Variants in ZNRF1 observed in about 807,000 individuals in gnomAD.
The protein encoded by ZNRF1 is E3 ubiquitin-protein ligase ZNRF1.
In ZNRF1, 3 loss-of-function variants were observed where a neutral mutation model predicts 18.4. The observed-to-expected ratio is 0.16, with a 90% CI of 0.07 to 0.42. The LOEUF (loss-of-function observed/expected upper bound fraction) is 0.42, where lower values mean the gene tolerates loss of function less well. Among genes scored for constraint, ZNRF1 ranks in the 10% least tolerant of loss-of-function variants. The probability of loss-of-function intolerance (pLI) is 0.99; values close to 1 mark genes in which losing one functional copy is unlikely to be tolerated. For synonymous variants in ZNRF1, 157 were observed against 144.2 expected (o/e 1.09, Z -0.64); for missense variants, 310 against 329.8 (o/e 0.94, Z 0.47).
chr16:75,019,309 A>C (rs893646858), intron 1 of ZNRF1, among the ~76,000 whole-genome samples: 14 of 151,592 alleles, frequency 9.2e-5, no homozygotes, highest in African/African-American at 3.2e-4. Context: ...CAAAGTGCTG[A>C]GAGTACAGGT....
chr16:75,026,859 C>A (rs2035231320), intron 1 of ZNRF1, among the ~76,000 whole-genome samples: 1 of 151,740 alleles, frequency 6.6e-6, no homozygotes, highest in Non-Finnish European at 1.5e-5. Context: ...TCACTTGAAC[C>A]CAGAGGCGGC....
chr16:75,046,952 G>A (rs1427174871), intron 1 of ZNRF1: 3 of 153,058 alleles, frequency 2.0e-5, no homozygotes, highest in African/African-American at 7.2e-5. Flanking sequence ...AAAATGAAAT[G>A]TTTATATTAT....
At chr16:75,021,191 C>T (rs2035142894) in intron 1 of ZNRF1, among the ~76,000 whole-genome samples, 1 of 152,134 alleles carries the variant, frequency 6.6e-6, no homozygotes, top group Non-Finnish European at 1.5e-5. Flanking sequence ...CAAGTGTGTG[C>T]CACCATGCCG....
chr16:75,076,762 T>C (rs932621390), intron 1 of ZNRF1, among the ~76,000 whole-genome samples: 3 of 151,422 alleles, frequency 2.0e-5, no homozygotes, highest in Admixed American at 1.3e-4. Context: ...GGAGGACTTT[T>C]GGGAGATAAG....
Position 75,010,641 on chromosome 16 carries a change from A to G in ZNRF1, c.424+10546A>G, listed in dbSNP as rs529870799. 4.6e-5 allele frequency among the ~76,000 whole-genome samples: 7 copies of G among 151,458 alleles called. No homozygotes were observed. The South Asian group carries it at 1.5e-3, about 32-fold the overall frequency. ...TGGTAGTAGCTTGAGCCCTCTGAAA[A>G]GTAATTAATCCATACTTCATAAAGA... is the stretch of plus-strand genomic sequence containing the variant. On this transcript the variant is annotated intron_variant, in intron 1 of 4. Transcript: ENST00000335325.
At chr16:75,029,228 G>T (rs1388697006) in intron 1 of ZNRF1, among the ~76,000 whole-genome samples, 1 of 152,012 alleles carries the variant, frequency 6.6e-6, no homozygotes, top group Admixed American at 6.6e-5. Flanking sequence ...CTCACTGCAA[G>T]CTCCACCTTC....
At chr16:75,092,247 C>T (rs558304060) in intron 1 of ZNRF1, among the ~76,000 whole-genome samples, 2 of 152,236 alleles carry the variant, frequency 1.3e-5, no homozygotes, top group East Asian at 3.9e-4. Context: ...ATCGTGTTCA[C>T]ATTGAGTAGG....
intron 2 of ZNRF1, among the ~76,000 whole-genome samples, chr16:75,103,095 G>A (rs114566794): frequency 6.6e-5 from 10 of 152,270 alleles, no homozygotes; most frequent in African/African-American, 2.4e-4. Flanking sequence ...AAGTCCTCAT[G>A]CTGTGCCTTT....
At chr16:75,019,316 A>C (rs1465224330) in intron 1 of ZNRF1, among the ~76,000 whole-genome samples, 1 of 152,068 alleles carries the variant, frequency 6.6e-6, no homozygotes, top group African/African-American at 2.4e-5. Flanking sequence ...CTGAGAGTAC[A>C]GGTATGAGTC....
chr16:75,066,913 A>T (rs149779850), intron 1 of ZNRF1, among the ~76,000 whole-genome samples: 125 of 152,182 alleles, frequency 8.2e-4, no homozygotes, highest in African/African-American at 2.5e-3. Flanking sequence ...ATAGCTTAAA[A>T]CAGTAATAAT....
intron 4 of ZNRF1, chr16:75,107,243 A>C: frequency 5.6e-6 from 1 of 178,472 alleles, no homozygotes; most frequent in Non-Finnish European, 1.2e-5. Context: ...TCCACCCCTG[A>C]CCCCCATCTC....
intron 1 of ZNRF1, among the ~76,000 whole-genome samples, chr16:75,046,430 T>A (rs1567477130): frequency 6.6e-6 from 1 of 150,760 alleles, no homozygotes; most frequent in Non-Finnish European, 1.5e-5. Flanking sequence ...TTTTGTATTT[T>A]TAGTGGAGAC....
At chr16:75,087,186 G>A (rs1267328383) in intron 1 of ZNRF1, among the ~76,000 whole-genome samples, 2 of 152,158 alleles carry the variant, frequency 1.3e-5, no homozygotes, top group Non-Finnish European at 2.9e-5. Flanking sequence ...CTGTCAAATG[G>A]TAGGGCCTGG....
At chr16:75,042,969 C>T (rs914164233) in intron 1 of ZNRF1, among the ~76,000 whole-genome samples, 3 of 152,306 alleles carry the variant, frequency 2.0e-5, no homozygotes, top group East Asian at 1.9e-4. Flanking sequence ...AGGCCAGCTC[C>T]GGGACGGTAA....
intron 3 of ZNRF1, chr16:75,105,105 G>A (rs1226727323): frequency 6.7e-5 from 33 of 489,048 alleles, no homozygotes; most frequent in South Asian, 6.3e-4. Context: ...TGCCAGAGGT[G>A]TGCTCTGGTT....
chr16:75,050,901 A>AAAC (rs1224282742), intron 1 of ZNRF1, among the ~76,000 whole-genome samples: 13 of 133,594 alleles, frequency 9.7e-5, no homozygotes, highest in Admixed American at 1.5e-4. Context: ...AAAAAAAACA[A>AAAC]AAAACTTGTA....
intron 1 of ZNRF1, among the ~76,000 whole-genome samples, chr16:75,053,661 C>G (rs992386503): frequency 6.6e-6 from 1 of 151,972 alleles, no homozygotes; most frequent in Non-Finnish European, 1.5e-5. Flanking sequence ...TGTGAGCTTC[C>G]CTAATGCCCA....
chr16:75,048,787 A>G (rs2035549952), intron 1 of ZNRF1, among the ~76,000 whole-genome samples: 1 of 152,108 alleles, frequency 6.6e-6, no homozygotes, highest in Admixed American at 6.5e-5. Context: ...GGCAAAGGTG[A>G]TCTGTAGCTG....
At chr16:75,065,590 T>C (rs949576156) in intron 1 of ZNRF1, among the ~76,000 whole-genome samples, 1 of 152,068 alleles carries the variant, frequency 6.6e-6, no homozygotes, top group Non-Finnish European at 1.5e-5. Flanking sequence ...AAAGGTCTTA[T>C]CCCTTCTTCT....
Sources: allele counts gnomAD v4.1 joint callset (sites outside exome capture counted in the v4.1 genomes callset), GRCh38; gene constraint gnomAD v4.1.1; transcripts MANE v1.5; gene names NCBI Gene and HGNC (gene_info 2026-07-23, HGNC 2026-07-21).